The following EFHD1 variants were observed in gnomAD, a reference collection of about 807,000 sequenced individuals.
EFHD1 encodes the protein EF-hand domain-containing protein D1.
In EFHD1, 10 loss-of-function variants were observed where a neutral mutation model predicts 17.2. The observed-to-expected ratio is 0.58, with a 90% CI of 0.36 to 0.99. EFHD1 has a LOEUF of 0.99. Ranked by LOEUF, EFHD1 falls within the 50% of genes least tolerant of loss-of-function variation. EFHD1 has a pLI of 0.01. For missense variants in EFHD1, 310 were observed against 327.5 expected, an observed-to-expected ratio of 0.95 and a Z score of 0.41; for synonymous variants, 153 against 142.0, an observed-to-expected ratio of 1.08 and a Z score of -0.55.
intron 1 of EFHD1, among the ~76,000 whole-genome samples, chr2:232,646,111 CG>C (rs1694522045): frequency 6.6e-6 from 1 of 152,188 alleles, no homozygotes; most frequent in Non-Finnish European, 1.5e-5. Context: ...ATGTTTTAGC[CG>C]GGCTCACCAG....
chr2:232,615,274 G>A (rs926649695), intron 1 of EFHD1, among the ~76,000 whole-genome samples: 1 of 151,256 alleles, frequency 6.6e-6, no homozygotes. Context: ...TGTTGGGGGG[G>A]CATCCTTAAC....
chr2:232,681,672 C>T lies in EFHD1; in HGVS notation c.673C>T (p.Leu225Phe). Residue 225 changes from leucine (L) to phenylalanine (F), a missense_variant, in exon 4 of 4, where the codon CTC becomes TTC. Transcript: ENST00000264059. ...GAAGCGGGAGGAGGAGGAGAGGCGGCTCCGCCAGGCAGCCTTCCAGAAACT... is the reference window on the plus strand; with the variant it reads ...GAAGCGGGAGGAGGAGGAGAGGCGGTTCCGCCAGGCAGCCTTCCAGAAACT... Reference protein sequence around the residue: ...ERKREEEERRLRQAAFQKLKA... With the variant: ...ERKREEEERRFRQAAFQKLKA... 3.7e-6 allele frequency: 6 copies of T among 1,614,146 alleles called. No homozygotes were observed. In the East Asian group the frequency reaches 1.3e-4, roughly 36 times the overall value.
At chr2:232,648,356 C>T (rs1214612733) in intron 1 of EFHD1, among the ~76,000 whole-genome samples, 2 of 152,116 alleles carry the variant, frequency 1.3e-5, no homozygotes, top group Admixed American at 1.3e-4. Flanking sequence ...CAGAGCCTGC[C>T]CACCCTCAGT....
chr2:232,669,967 C>G (rs1278576987), intron 2 of EFHD1, among the ~76,000 whole-genome samples: 2 of 152,128 alleles, frequency 1.3e-5, no homozygotes, highest in East Asian at 1.9e-4. Flanking sequence ...CCTGTGGGTG[C>G]ATACATTTTA....
At chr2:232,614,969 G>A (rs1693894967) in intron 1 of EFHD1, among the ~76,000 whole-genome samples, 1 of 152,040 alleles carries the variant, frequency 6.6e-6, no homozygotes, top group African/African-American at 2.4e-5. Flanking sequence ...GAGTGAGACT[G>A]TGTCTCAAAA....
At chr2:232,645,785 G>A (rs1442840923) in intron 1 of EFHD1, among the ~76,000 whole-genome samples, 1 of 152,208 alleles carries the variant, frequency 6.6e-6, no homozygotes, top group Non-Finnish European at 1.5e-5. Flanking sequence ...CCATTTCACA[G>A]ATGAGGAAAC....
chr2:232,656,903 C>T (rs927752531), intron 1 of EFHD1, among the ~76,000 whole-genome samples: 11 of 152,102 alleles, frequency 7.2e-5, no homozygotes, highest in Admixed American at 6.6e-4. Flanking sequence ...TTCAGCCTCC[C>T]GAGTAGCTGG....
rs138488320 is a variant in EFHD1 at position 232,653,159 on chromosome 2, A to C, written c.303-9643A>C. On this transcript the variant is annotated intron_variant, in intron 1 of 3. Transcript: ENST00000264059. ...TAGCCACCCACCACCACGCCCGGCT[A>C]ATTTTTGTATTTTTATTAGAGACAG... 1.0e-3 allele frequency among the ~76,000 whole-genome samples: 152 copies of C among 151,994 alleles called. 1 individual carries two copies. The highest frequency in any genetic ancestry group is 3.4e-3 in the African/African-American group (142 of 41,450).
chr2:232,652,512 G>A (rs1006554824), intron 1 of EFHD1, among the ~76,000 whole-genome samples: 4 of 152,040 alleles, frequency 2.6e-5, no homozygotes, highest in African/African-American at 7.3e-5. Context: ...TCTCTGAAGC[G>A]GGGCTACTAA....
intron 1 of EFHD1, among the ~76,000 whole-genome samples, chr2:232,609,185 G>C (rs1473442543): frequency 6.8e-6 from 1 of 147,612 alleles, no homozygotes; most frequent in Admixed American, 7.0e-5. Context: ...TCAGCCTCCC[G>C]AGTTATTGGG....
intron 3 of EFHD1, among the ~76,000 whole-genome samples, chr2:232,679,718 A>AG (rs1695240986): frequency 1.3e-5 from 1 of 77,860 alleles, no homozygotes; most frequent in Non-Finnish European, 3.0e-5. Context: ...AGACGTTTCT[A>AG]AAAAAAAAAA....
intron 1 of EFHD1, among the ~76,000 whole-genome samples, chr2:232,659,293 GAAAA>G (rs1052201969): frequency 2.1e-5 from 3 of 146,116 alleles, no homozygotes; most frequent in African/African-American, 7.5e-5. Context: ...AGGGCACTGA[GAAAA>G]AAAAAAACAC....
chr2:232,623,692 A>AG (rs1553595791), intron 1 of EFHD1, among the ~76,000 whole-genome samples: 12 of 101,972 alleles, frequency 1.2e-4, no homozygotes, highest in South Asian at 3.0e-4. Flanking sequence ...AAAAAAAAAA[A>AG]AAGAAGAAGA....
intron 3 of EFHD1, among the ~76,000 whole-genome samples, chr2:232,680,225 A>T (rs1167873422): frequency 6.6e-6 from 1 of 151,960 alleles, no homozygotes; most frequent in African/African-American, 2.4e-5. Context: ...CAATGAGCTG[A>T]GATTGCGCCA....
In EFHD1 at chr2:232,682,422, A is replaced by C. The variant is rs1409758141; in HGVS notation, c.*703A>C. On this transcript the variant is annotated 3_prime_UTR_variant, in exon 4 of 4. Transcript: ENST00000264059. ...CCTTTTCCCCACTCTTAAATACTGT[A>C]CTACTTCACTGTAAGAACGAAAGAA... is the stretch of plus-strand genomic sequence containing the variant. The C allele has an allele frequency of 6.6e-6, 1 of 152,244 alleles. No homozygotes were observed. The highest frequency in any genetic ancestry group is 1.5e-5 in the Non-Finnish European group (1 of 68,062). 9.4% of individuals were successfully genotyped at this position (152,244 alleles called of 1,614,324 possible).
rs190591953 is a variant in EFHD1 at position 232,660,388 on chromosome 2, A to G, written c.303-2414A>G. The stretch of plus-strand genomic sequence containing the variant: ...TTTTTGTATTTTTAGTAGAGATGGG[A>G]TTTCACCGTGTTAGCCAGGATGGTC... On this transcript the variant is annotated intron_variant, in intron 1 of 3. Transcript: ENST00000264059. 4.3e-3 allele frequency among the ~76,000 whole-genome samples: 645 copies of G among 151,216 alleles called. 8 individuals are homozygous for G. The highest frequency in any genetic ancestry group is 0.014 in the African/African-American group (597 of 41,240).
chr2:232,631,706 A>T (rs557323599), upstream of EFHD1, among the ~76,000 whole-genome samples: 1 of 138,078 alleles, frequency 7.2e-6, no homozygotes. Context: ...AAAAAAAAAA[A>T]CAAAAACAAA....
At chr2:232,619,680 G>A (rs1252735330) in intron 1 of EFHD1, among the ~76,000 whole-genome samples, 5 of 152,090 alleles carry the variant, frequency 3.3e-5, no homozygotes, top group African/African-American at 1.2e-4. Context: ...CTAGAAAGAG[G>A]TGGTGGTTGC....
At chr2:232,615,312 AGTGTGTGTGT>A (rs35239145) in intron 1 of EFHD1, among the ~76,000 whole-genome samples, 35 of 136,474 alleles carry the variant, frequency 2.6e-4, no homozygotes, top group African/African-American at 3.2e-4. Context: ...TGTCAACTAT[AGTGTGTGTGT>A]GTGTGTGTGT....
Sources: allele counts gnomAD v4.1 joint callset (sites outside exome capture counted in the v4.1 genomes callset), GRCh38; gene constraint gnomAD v4.1.1; transcripts MANE v1.5; gene names NCBI Gene and HGNC (gene_info 2026-07-23, HGNC 2026-07-21).